Variants in NFATC3 observed in about 807,000 individuals in gnomAD.
The protein encoded by NFATC3 is nuclear factor of activated T cells 3.
NFATC3 carries 46 observed loss-of-function variants against 98.6 expected under a neutral mutation model. The observed-to-expected ratio is 0.47, with a 90% CI of 0.37 to 0.60. NFATC3 has a LOEUF of 0.60. NFATC3 is among the 20% of genes least tolerant of loss of function. NFATC3 has a pLI of 0.00. For missense variants in NFATC3, 1,256 were observed against 1,295.5 expected (o/e 0.97, Z 0.47); for synonymous variants, 512 against 472.2 (o/e 1.08, Z -1.09).
intron 9 of NFATC3, chr16:68,221,396 G>A: frequency 6.7e-7 from 1 of 1,481,878 alleles, no homozygotes. Flanking sequence ...GTCTGTGAAA[G>A]CACTTTGTTG....
chr16:68,168,965 T>A (rs1356823325), intron 5 of NFATC3, among the ~76,000 whole-genome samples: 1 of 152,164 alleles, frequency 6.6e-6, no homozygotes, highest in Non-Finnish European at 1.5e-5. Context: ...ATATATTCTT[T>A]GTATAGATAG....
intron 9 of NFATC3, among the ~76,000 whole-genome samples, chr16:68,198,915 G>C (rs149896112): frequency 2.1e-4 from 32 of 152,104 alleles, no homozygotes; most frequent in Non-Finnish European, 3.8e-4. Context: ...AGACATGGTG[G>C]TGCGTGCCTG....
intron 9 of NFATC3, among the ~76,000 whole-genome samples, chr16:68,217,464 C>CAACA (rs2041680998): frequency 2.2e-5 from 1 of 44,962 alleles, no homozygotes; most frequent in Non-Finnish European, 4.3e-5. Context: ...GTCTCTGTCT[C>CAACA]AAAAAAAAAA....
At position 68,226,953 on chromosome 16, in the gene NFATC3, G is replaced by GA. The variant is rs1184230714; in HGVS notation, c.*489dup. The GA allele has an allele frequency of 1.6e-5, 1 of 62,016 alleles. No homozygotes were observed. Among genetic ancestry groups the GA allele is most frequent in the South Asian group, 5.2e-4 (1 of 1,930 alleles). The allele number at this position is 62,016 out of a possible 1,614,324, so 3.8% of individuals were successfully genotyped here. A position where few individuals can be genotyped will look rare whatever the true frequency, so the allele number is the denominator to read the frequency against. ...AAAAAAGAAAAGAAAAAAAGAAAAA[G>GA]AAAAAAATATCCCAAGCCCACACCT... On this transcript the variant is annotated 3_prime_UTR_variant, in exon 10 of 10. Transcript: ENST00000346183.
At chr16:68,110,294 C>T (rs545193946) in intron 1 of NFATC3, among the ~76,000 whole-genome samples, 33 of 150,174 alleles carry the variant, frequency 2.2e-4, no homozygotes, top group East Asian at 7.9e-4. Flanking sequence ...TGTGAGCCAC[C>T]GTGCCTGGCC....
At position 68,226,651 on chromosome 16, in the gene NFATC3, A is replaced by G; in HGVS notation, c.*180A>G. ...GTAGATTTGGCAAAAGAACAGGAGCAGCATAGGCTGTTTGAGCTTTGGGGA... is the reference window on the plus strand; with the variant it reads ...GTAGATTTGGCAAAAGAACAGGAGCGGCATAGGCTGTTTGAGCTTTGGGGA... On this transcript the variant is annotated 3_prime_UTR_variant, in exon 10 of 10. Coordinates refer to ENST00000346183, the MANE Select transcript of NFATC3 (RefSeq NM_173165.3). 1.8e-6 allele frequency: 1 copy of G among 560,054 alleles called. No homozygotes were observed. Among genetic ancestry groups the G allele is most frequent in the Non-Finnish European group, 2.9e-6 (1 of 348,362 alleles). 34.7% of individuals were successfully genotyped at this position (560,054 alleles called of 1,614,324 possible). A position where few individuals can be genotyped will look rare whatever the true frequency, so the allele number is the denominator to read the frequency against.
At chr16:68,161,220 A>G (rs1338081345) in intron 4 of NFATC3, among the ~76,000 whole-genome samples, 1 of 152,160 alleles carries the variant, frequency 6.6e-6, no homozygotes, top group African/African-American at 2.4e-5. Context: ...GTGATATGTG[A>G]TTAGTCAGCT....
At chr16:68,217,564 T>C in intron 9 of NFATC3, 1 of 986,218 alleles carries the variant, frequency 1.0e-6, no homozygotes, top group Non-Finnish European at 1.3e-6. Flanking sequence ...ATAATTATGG[T>C]GGTAAGTTTT....
At position 68,191,624 on chromosome 16, in the gene NFATC3, T is replaced by A; in HGVS notation, c.2955T>A (p.Gly985=). The A allele has an allele frequency of 1.9e-6, 3 of 1,613,530 alleles. No homozygotes were observed. The South Asian group carries it at 3.3e-5, about 18-fold the overall frequency. The change falls in exon 9 of 10, where the codon GGT becomes GGA. Residue 985 remains glycine, a synonymous_variant. Coordinates refer to ENST00000346183, the MANE Select transcript of NFATC3 (RefSeq NM_173165.3). Reference sequence around the variant, plus strand: ...AAGCACAAAGTACGGGCCAGGGGGGTCTTTCTGCACCTTCATCCTTAATAT... The same window carrying A: ...AAGCACAAAGTACGGGCCAGGGGGGACTTTCTGCACCTTCATCCTTAATAT... The part of the protein sequence containing the change: ...STQAQSTGQG[G]LSAPSSLICH...
chr16:68,174,418 A>G lies in NFATC3; in HGVS notation c.1819A>G (p.Ile607Val), dbSNP rs1364520468. ...QELPHIEKYS[I>V]NSCSVNGGHE... ...ACTTCCTCATATTGAGAAGTACAGT[A>G]TCAACAGTTGTTCTGTAAATGGAGG... Residue 607 changes from isoleucine to valine, a missense_variant, in exon 6 of 10, where the codon ATC (isoleucine) becomes GTC (valine). Physicochemically the swap from Ile to Val is conservative, Grantham distance 29 (BLOSUM62 3). Around this residue, in one of 3 missense-constraint regions of NFATC3, gnomAD observed 636 missense variants for 617.3 expected, o/e 1.03. Coordinates refer to ENST00000346183, the MANE Select transcript of NFATC3 (RefSeq NM_173165.3). 5 of 1,603,614 alleles carry G rather than the reference A, an allele frequency of 3.1e-6. No individual in the cohort carries two copies. Among genetic ancestry groups the G allele is most frequent in the African/African-American group, 1.3e-5 (1 of 74,758 alleles).
chr16:68,188,491 C>T lies in NFATC3; in HGVS notation c.2099-2277C>T, dbSNP rs1026210515. On this transcript the variant is annotated intron_variant, in intron 8 of 9. Transcript: ENST00000346183. ...CAGCTCCCACCAGCTCTGTGGAGCA[C>T]GCAGTCTTGGCTGCACCTCGCCCAC... 5.3e-5 allele frequency among the ~76,000 whole-genome samples: 8 copies of T among 152,312 alleles called. No individual in the cohort carries two copies. The East Asian group carries it at 7.7e-4, about 15-fold the overall frequency.
chr16:68,216,928 A>G lies in NFATC3; in HGVS notation c.3107-9422A>G, dbSNP rs558169626. Among the ~76,000 whole-genome samples the G allele has an allele frequency of 1.7e-4, 26 of 152,270 alleles. No individual in the cohort carries two copies. The South Asian group carries it at 2.1e-3, about 12-fold the overall frequency. The stretch of plus-strand genomic sequence containing the variant: ...AAAAAAGGTATAATAATTTTTCTTT[A>G]CTAGTATTAGAGCTAATGTTAAAAG... On this transcript the variant is annotated intron_variant, in intron 9 of 9. Transcript: ENST00000346183.
intron 1 of NFATC3, among the ~76,000 whole-genome samples, chr16:68,087,359 C>T (rs1294798310): frequency 6.6e-6 from 1 of 152,022 alleles, no homozygotes; most frequent in Admixed American, 6.5e-5. Flanking sequence ...AATAACATTT[C>T]AAAGCTATGA....
intron 3 of NFATC3, among the ~76,000 whole-genome samples, chr16:68,153,469 C>T (rs76944503): frequency 0.013 from 1,998 of 152,218 alleles, 43 homozygotes; most frequent in African/African-American, 0.045. Flanking sequence ...TATTGTGCTA[C>T]AGCATTATGG....
intron 3 of NFATC3, 117 bp downstream of exon 3, chr16:68,126,727 CTG>C: frequency 1.0e-6 from 1 of 989,776 alleles, no homozygotes; most frequent in Non-Finnish European, 1.5e-6. Context: ...TAGAGAGCCT[CTG>C]TTGTTTTGGG....
intron 9 of NFATC3, among the ~76,000 whole-genome samples, chr16:68,199,537 TA>T (rs779667582): frequency 0.012 from 1,504 of 126,626 alleles, 8 homozygotes; most frequent in African/African-American, 0.026. Flanking sequence ...AGACCCTGTT[TA>T]AAAAAAAAAA....
In NFATC3 at chr16:68,226,486, G is replaced by C. The variant is rs776202222; in HGVS notation, c.*15G>C. On this transcript the variant is annotated 3_prime_UTR_variant, in exon 10 of 10. Transcript: ENST00000346183. ...ATGGGCTCTAACAGTGCTTACTGCAGCCTTGTGTCCACCACCAACTTCTCA... is the reference window on the plus strand; with the variant it reads ...ATGGGCTCTAACAGTGCTTACTGCACCCTTGTGTCCACCACCAACTTCTCA... 6.8e-7 allele frequency: 1 copy of C among 1,481,218 alleles called. No individual in the cohort carries two copies. Among genetic ancestry groups the C allele is most frequent in the South Asian group, 1.4e-5 (1 of 70,872 alleles). The allele number at this position is 1,481,218 out of a possible 1,614,324, so 91.8% of individuals were successfully genotyped here.
At chr16:68,180,792 A>G (rs954188979) in intron 6 of NFATC3, among the ~76,000 whole-genome samples, 1 of 152,118 alleles carries the variant, frequency 6.6e-6, no homozygotes, top group Admixed American at 6.6e-5. Context: ...GCTGAGAATG[A>G]TGGTTTCCAG....
At position 68,174,501 on chromosome 16, in the gene NFATC3, T is replaced by C. The variant is rs769024116; in HGVS notation, c.1902T>C (p.Leu634=). ...TTCCAGAATCCAAAATCATTTTTCT[T>C]GAAAAAGGACAAGGTAAGTAATATA... is the stretch of plus-strand genomic sequence containing the variant. ...NFLPESKIIF[L]EKGQDGRPQW... The change falls in exon 6 of 10, where the codon CTT becomes CTC. Residue 634 remains leucine (L), a synonymous_variant. Coordinates refer to ENST00000346183, the MANE Select transcript of NFATC3 (RefSeq NM_173165.3). 4 of 1,600,084 alleles carry C rather than the reference T, an allele frequency of 2.5e-6. No homozygotes were observed. Among genetic ancestry groups the C allele is most frequent in the Non-Finnish European group, 3.4e-6 (4 of 1,174,624 alleles).
Sources: allele counts gnomAD v4.1 joint callset (sites outside exome capture counted in the v4.1 genomes callset), GRCh38; gene constraint gnomAD v4.1.1; regional missense constraint gnomAD v4.1.1; transcripts MANE v1.5; gene names NCBI Gene and HGNC (gene_info 2026-07-23, HGNC 2026-07-21).